Variants in FBXO36 observed in about 807,000 individuals in gnomAD.
The protein encoded by FBXO36 is F-box protein 36.
In FBXO36, 18 loss-of-function variants were observed where a neutral mutation model predicts 17.0. That is an observed-to-expected ratio of 1.06 (90% CI 0.73 to 1.57). FBXO36 has a LOEUF of 1.57. FBXO36 is among the 40% of genes most tolerant of loss of function. FBXO36 has a pLI of 0.00. For synonymous variants in FBXO36, 83 were observed against 85.3 expected, an observed-to-expected ratio of 0.97 and a Z score of 0.15; for missense variants, 229 against 221.9, an observed-to-expected ratio of 1.03 and a Z score of -0.20.
At chr2:229,944,874 T>G (rs906117668) in intron 1 of FBXO36, among the ~76,000 whole-genome samples, 2 of 152,262 alleles carry the variant, frequency 1.3e-5, no homozygotes, top group African/African-American at 4.8e-5. Flanking sequence ...ATTACAGGCG[T>G]GAGCCACCAC....
chr2:229,986,568 T>C (rs1400890064), intron 2 of FBXO36, among the ~76,000 whole-genome samples: 2 of 147,934 alleles, frequency 1.4e-5, no homozygotes, highest in African/African-American at 5.0e-5. Flanking sequence ...AGAGTCTCCC[T>C]CTGTAGCCTA....
intron 1 of FBXO36, among the ~76,000 whole-genome samples, chr2:229,974,819 C>T (rs545895618): frequency 6.6e-6 from 1 of 152,254 alleles, no homozygotes; most frequent in African/African-American, 2.4e-5. Context: ...AAAATGCATG[C>T]CATTTCTACT....
intron 1 of FBXO36, among the ~76,000 whole-genome samples, chr2:229,944,383 A>T (rs61129282): frequency 0.096 from 14,642 of 152,238 alleles, 943 homozygotes; most frequent in East Asian, 0.28. Context: ...AGTTTCATTT[A>T]TGACTTTACA....
chr2:229,925,811 A>G (rs2154386847), intron 1 of FBXO36, among the ~76,000 whole-genome samples: 1 of 152,270 alleles, frequency 6.6e-6, no homozygotes, highest in African/African-American at 2.4e-5. Context: ...AATATACTGT[A>G]TGCTTATACA....
intron 1 of FBXO36, among the ~76,000 whole-genome samples, chr2:229,953,059 C>A (rs13395584): frequency 0.016 from 2,452 of 152,246 alleles, 63 homozygotes; most frequent in African/African-American, 0.056. Flanking sequence ...AGAAAACGGC[C>A]GGGTGCGGTG....
At chr2:229,963,354 G>A (rs1222366460) in intron 1 of FBXO36, among the ~76,000 whole-genome samples, 11 of 151,630 alleles carry the variant, frequency 7.3e-5, no homozygotes, top group African/African-American at 2.4e-4. Context: ...GTGAGCGACC[G>A]TGCCCGGCCC....
At chr2:229,934,590 GA>G (rs751354736) in intron 1 of FBXO36, among the ~76,000 whole-genome samples, 3 of 152,164 alleles carry the variant, frequency 2.0e-5, no homozygotes, top group Non-Finnish European at 4.4e-5. Flanking sequence ...AAATGCTGAA[GA>G]AATGTTAAAT....
At chr2:229,999,834 A>T (rs1279291874) in intron 3 of FBXO36, among the ~76,000 whole-genome samples, 1 of 152,080 alleles carries the variant, frequency 6.6e-6, no homozygotes, top group South Asian at 2.1e-4. Context: ...CCCAATAGTT[A>T]TGTTTTCTGC....
In FBXO36 at chr2:230,011,187, AC is replaced by A. The variant is rs1294986423; in HGVS notation, c.*304del. 3 of 206,114 alleles carry A rather than the reference AC, an allele frequency of 1.5e-5. No homozygotes were observed. The highest frequency in any genetic ancestry group is 2.9e-5 in the Non-Finnish European group (3 of 103,280). The allele number at this position is 206,114 out of a possible 1,614,324, so 12.8% of individuals were successfully genotyped here. The stretch of plus-strand genomic sequence containing the variant: ...TAAAAGAGGTTTCTATTGTATATAA[AC>A]AAACAATAAATGATTATTAGCAGGT... On this transcript the variant is annotated 3_prime_UTR_variant, in exon 4 of 4. Transcript: ENST00000283946.
intron 2 of FBXO36, among the ~76,000 whole-genome samples, chr2:229,992,556 G>T (rs531950994): frequency 6.6e-6 from 1 of 151,968 alleles, no homozygotes; most frequent in African/African-American, 2.4e-5. Context: ...CAACCCTCTC[G>T]TCACACTCAT....
At chr2:229,991,279 A>C (rs1294144831) in intron 2 of FBXO36, among the ~76,000 whole-genome samples, 1 of 152,068 alleles carries the variant, frequency 6.6e-6, no homozygotes, top group African/African-American at 2.4e-5. Flanking sequence ...ATGTGTTTAA[A>C]ATTTCCAAAT....
intron 1 of FBXO36, among the ~76,000 whole-genome samples, chr2:229,975,023 C>A (rs1430038080): frequency 6.6e-6 from 1 of 152,124 alleles, no homozygotes; most frequent in Non-Finnish European, 1.5e-5. Flanking sequence ...AGCTCCATTA[C>A]AGGTTTAAAA....
chr2:229,984,164 A>G (rs1467401361), intron 2 of FBXO36, among the ~76,000 whole-genome samples: 2 of 152,094 alleles, frequency 1.3e-5, no homozygotes, highest in Non-Finnish European at 2.9e-5. Context: ...CCTGGCCAAC[A>G]TGGTGAAACC....
intron 1 of FBXO36, among the ~76,000 whole-genome samples, chr2:229,948,344 G>GA (rs1407353939): frequency 6.6e-6 from 1 of 152,028 alleles, no homozygotes; most frequent in Non-Finnish European, 1.5e-5. Context: ...GGAACAGTCT[G>GA]AAAAAACAGT....
intron 3 of FBXO36, among the ~76,000 whole-genome samples, chr2:230,000,905 G>T (rs930324865): frequency 2.7e-5 from 4 of 146,020 alleles, no homozygotes; most frequent in Admixed American, 7.0e-5. Flanking sequence ...ACCCAGGCTG[G>T]AGTTCAGTGG....
At position 229,976,262 on chromosome 2, in the gene FBXO36, A is replaced by G. The variant is rs1214992304; in HGVS notation, c.118A>G (p.Ile40Val). The G allele has an allele frequency of 3.7e-6, 6 of 1,606,000 alleles. No homozygotes were observed. Among genetic ancestry groups the G allele is most frequent in the Admixed American group, 1.7e-5 (1 of 57,924 alleles). The change falls in exon 2 of 4, where the codon ATC (isoleucine) becomes GTC (valine). Residue 40 changes from isoleucine to valine, a missense_variant. Ile to Val is a conservative substitution (Grantham distance 29). Coordinates refer to ENST00000283946, the MANE Select transcript of FBXO36 (RefSeq NM_174899.5). ...ATAGGTAATCTTTAGATGGTGGAAG[A>G]TCTCTCTAAGGAGTGAGTATCGATC... is the stretch of plus-strand genomic sequence containing the variant. ...RSQVIFRWWK[I>V]SLRSEYRSTK...
intron 1 of FBXO36, among the ~76,000 whole-genome samples, chr2:229,933,394 ACT>A (rs775678561): frequency 2.6e-5 from 4 of 151,812 alleles, no homozygotes; most frequent in African/African-American, 9.7e-5. Flanking sequence ...AAAGAGCAAA[ACT>A]CTCTCATATA....
At chr2:229,984,482 G>A (rs2077257675) in intron 2 of FBXO36, among the ~76,000 whole-genome samples, 1 of 106,886 alleles carries the variant, frequency 9.4e-6, no homozygotes, top group Admixed American at 9.9e-5. Context: ...CGCCGCTCCC[G>A]GGTTCACGTC....
chr2:229,946,852 C>T (rs562124069), intron 1 of FBXO36, among the ~76,000 whole-genome samples: 1 of 152,212 alleles, frequency 6.6e-6, no homozygotes, highest in East Asian at 1.9e-4. Flanking sequence ...AAATATTAGT[C>T]CTATTTGCTG....
Sources: gnomAD v4.1 joint callset for allele counts (sites outside exome capture counted in the v4.1 genomes callset) on GRCh38, gnomAD v4.1.1 for gene constraint, MANE v1.5 for transcripts, NCBI Gene and HGNC (gene_info 2026-07-23, HGNC 2026-07-21) for gene names.